GNAL: variants seen among roughly 807,000 people sequenced by gnomAD.
GNAL encodes the protein guanine nucleotide-binding protein G(olf) subunit alpha.
A neutral mutation model predicts 55.1 loss-of-function variants in GNAL; 18 were observed. The observed-to-expected ratio is 0.33, with a 90% CI of 0.23 to 0.48. The LOEUF is 0.48. Ranked by LOEUF, GNAL falls within the 20% of genes least tolerant of loss-of-function variation. GNAL has a pLI of 0.99. For synonymous variants in GNAL, 253 were observed against 237.0 expected, an observed-to-expected ratio of 1.07 and a Z score of -0.62; for missense variants, 412 against 614.1, an observed-to-expected ratio of 0.67 and a Z score of 3.48.
intron 5 of GNAL, among the ~76,000 whole-genome samples, chr18:11,839,411 G>T (rs1303402696): frequency 2.0e-5 from 3 of 151,636 alleles, no homozygotes; most frequent in African/African-American, 7.3e-5. Context: ...AATTAGCTGG[G>T]CCATGGTGGT....
Position 11,863,454 on chromosome 18 carries a change from C to G in GNAL, c.777+1005C>G, listed in dbSNP as rs142580376. Among the ~76,000 whole-genome samples the G allele has an allele frequency of 1.1e-3, 160 of 152,328 alleles. 1 individual carries two copies. In the East Asian group the frequency reaches 0.018, roughly 17 times the overall value. On this transcript the variant is annotated intron_variant, in intron 6 of 11. Coordinates refer to ENST00000334049, the MANE Select transcript of GNAL (RefSeq NM_182978.4). The stretch of plus-strand genomic sequence containing the variant: ...CTTCTCTCTCTCCCATGAAGTTTAT[C>G]CTCTCTAAGGCTGATCCTGAGAGTT...
rs934766402 is a variant in GNAL at position 11,868,028 on chromosome 18, G to A, written c.911-515G>A. Among the ~76,000 whole-genome samples the A allele has an allele frequency of 1.3e-5, 2 of 152,178 alleles. No individual in the cohort carries two copies. Among genetic ancestry groups the A allele is most frequent in the Admixed American group, 6.5e-5 (1 of 15,274 alleles). On this transcript the variant is annotated intron_variant, in intron 8 of 11. Coordinates refer to ENST00000334049, the MANE Select transcript of GNAL (RefSeq NM_182978.4). The surrounding 1 kb of genome is among the most constrained non-coding windows in gnomAD (Gnocchi z 4.0). ...TAATCCCAGCTACTCGGGAGGCTGA[G>A]GCAGGAGAATCACCTGAACCCGGGA... is the stretch of plus-strand genomic sequence containing the variant.
Position 11,765,583 on chromosome 18 carries a change from G to A in GNAL, c.624+11638G>A, listed in dbSNP as rs541644373. Among the ~76,000 whole-genome samples the A allele has an allele frequency of 7.2e-5, 11 of 152,200 alleles. 1 individual carries two copies. In the East Asian group the frequency reaches 1.9e-3, roughly 27 times the overall value. On this transcript the variant is annotated intron_variant, in intron 4 of 11. Coordinates refer to ENST00000334049, the MANE Select transcript of GNAL (RefSeq NM_182978.4). ...ACCCACCTCCCCACTATTCTTCCCAGCCTCTAGTAAGCATCATTCTGTTCT... is the reference window on the plus strand; with the variant it reads ...ACCCACCTCCCCACTATTCTTCCCAACCTCTAGTAAGCATCATTCTGTTCT...
intron 1 of GNAL, among the ~76,000 whole-genome samples, chr18:11,750,646 A>G (rs2032796177): frequency 6.6e-6 from 1 of 152,074 alleles, no homozygotes; most frequent in Non-Finnish European, 1.5e-5. Flanking sequence ...GGGGCCCTAG[A>G]TGACCTTGAT....
chr18:11,695,457 T>C (rs2031378209), intron 1 of GNAL, among the ~76,000 whole-genome samples: 1 of 152,184 alleles, frequency 6.6e-6, no homozygotes, highest in African/African-American at 2.4e-5. Flanking sequence ...TGAATCAAAA[T>C]ATTTAATCTG....
At chr18:11,858,072 C>A (rs776806144) in intron 5 of GNAL, among the ~76,000 whole-genome samples, 31 of 152,144 alleles carry the variant, frequency 2.0e-4, no homozygotes, top group Non-Finnish European at 4.4e-4. Flanking sequence ...TAGTTTTCAT[C>A]TTTTCATGAC....
chr18:11,857,979 C>A (rs571526730), intron 5 of GNAL, among the ~76,000 whole-genome samples: 57 of 152,280 alleles, frequency 3.7e-4, no homozygotes, highest in South Asian at 1.7e-3. Flanking sequence ...TTTTCACACA[C>A]AAAAAATTTT....
chr18:11,739,377 C>T (rs1390705112), intron 1 of GNAL, among the ~76,000 whole-genome samples: 1 of 152,178 alleles, frequency 6.6e-6, no homozygotes, highest in Non-Finnish European at 1.5e-5. Context: ...CTGTGGCCAT[C>T]ATGGCCGTTG....
At chr18:11,845,222 G>A (rs568491027) in intron 5 of GNAL, among the ~76,000 whole-genome samples, 53 of 152,262 alleles carry the variant, frequency 3.5e-4, no homozygotes, top group African/African-American at 1.2e-3. Context: ...TAAAAATTAC[G>A]TAAGAACAAC....
At chr18:11,833,180 C>T (rs1198522408) in intron 5 of GNAL, among the ~76,000 whole-genome samples, 3 of 151,794 alleles carry the variant, frequency 2.0e-5, no homozygotes, top group Non-Finnish European at 2.9e-5. Context: ...TACAGGGGCC[C>T]GCCACCACTC....
chr18:11,689,637 C>T lies in GNAL; in HGVS notation c.74C>T (p.Pro25Leu), dbSNP rs1208005988. 3 of 1,379,634 alleles carry T rather than the reference C, an allele frequency of 2.2e-6. No homozygotes were observed. The highest frequency in any genetic ancestry group is 3.1e-5 in the African/African-American group (2 of 65,324). 85.5% of individuals were successfully genotyped at this position (1,379,634 alleles called of 1,614,324 possible). A position where few individuals can be genotyped will look rare whatever the true frequency, so the allele number is the denominator to read the frequency against. The stretch of plus-strand genomic sequence containing the variant: ...GACGACCCCTGCGCGGCCTCGGAGC[C>T]GCCGGTGGAGGACGCGCAGCCCGCC... ...PGDDPCAASE[P>L]PVEDAQPAPA... Residue 25 changes from proline to leucine, a missense_variant, in exon 1 of 12, where the codon CCG becomes CTG. By Grantham distance (98) the Pro-to-Leu change is moderately conservative (BLOSUM62 -3). Around this residue, in one of 5 missense-constraint regions of GNAL, gnomAD observed 228 missense variants for 194.8 expected, o/e 1.17. Coordinates refer to ENST00000334049, the MANE Select transcript of GNAL (RefSeq NM_182978.4).
At chr18:11,699,254 G>A (rs568716249) in intron 1 of GNAL, among the ~76,000 whole-genome samples, 2 of 152,158 alleles carry the variant, frequency 1.3e-5, no homozygotes, top group African/African-American at 4.8e-5. Flanking sequence ...TGGAGCAGTA[G>A]TACCATCTTG....
intron 1 of GNAL, among the ~76,000 whole-genome samples, chr18:11,692,379 A>C (rs2031276742): frequency 6.6e-6 from 1 of 152,212 alleles, no homozygotes; most frequent in Admixed American, 6.5e-5. Context: ...ACAACAAAAA[A>C]CAGTAAACAC....
intron 4 of GNAL, among the ~76,000 whole-genome samples, chr18:11,822,426 A>G (rs2035122968): frequency 6.6e-6 from 1 of 152,148 alleles, no homozygotes; most frequent in South Asian, 2.1e-4. Context: ...GCAACATGGT[A>G]AAACCCCGTC....
rs960080797 is a variant in GNAL, at chr18:11,884,495, A to G, written c.*3360A>G. 6.2e-7 allele frequency: 1 copy of G among 1,614,046 alleles called. No homozygotes were observed. The highest frequency in any genetic ancestry group is 1.3e-5 in the African/African-American group (1 of 74,938). On this transcript the variant is annotated 3_prime_UTR_variant, in exon 12 of 12. Coordinates refer to ENST00000334049, the MANE Select transcript of GNAL (RefSeq NM_182978.4). ...AAGTTCAAACCAGAAAGAAAAGGTGAGGCTAGAAGCCCAAAGTGAGTGAGT... is the reference window on the plus strand; with the variant it reads ...AAGTTCAAACCAGAAAGAAAAGGTGGGGCTAGAAGCCCAAAGTGAGTGAGT...
Position 11,716,157 on chromosome 18 carries a change from C to A in GNAL, c.376+26218C>A, listed in dbSNP as rs116367896. Among the ~76,000 whole-genome samples the A allele has an allele frequency of 5.1e-3, 770 of 152,256 alleles. 6 individuals carry two copies. Among genetic ancestry groups the A allele is most frequent in the African/African-American group, 0.018 (733 of 41,512 alleles). ...CAGCAATCTCATTACTGGGTATATA[C>A]CCAAAAGAATATTGATAATCCTACT... On this transcript the variant is annotated intron_variant, in intron 1 of 11. Coordinates refer to ENST00000334049, the MANE Select transcript of GNAL (RefSeq NM_182978.4).
At position 11,766,046 on chromosome 18, in the gene GNAL, C is replaced by G. The variant is rs78758355; in HGVS notation, c.624+12101C>G. Among the ~76,000 whole-genome samples, 204 of 152,256 alleles carry G rather than the reference C, an allele frequency of 1.3e-3. 1 individual carries two copies. Among genetic ancestry groups the G allele is most frequent in the African/African-American group, 4.6e-3 (192 of 41,528 alleles). On this transcript the variant is annotated intron_variant, in intron 4 of 11. Coordinates refer to ENST00000334049, the MANE Select transcript of GNAL (RefSeq NM_182978.4). ...AGAAAATATTTTGAACGTCTTAGCA[C>G]TCTCTCAGGAATCAGTAGAAGGAGC...
intron 5 of GNAL, among the ~76,000 whole-genome samples, chr18:11,832,448 T>C (rs1313773264): frequency 1.3e-5 from 2 of 152,258 alleles, no homozygotes; most frequent in African/African-American, 4.8e-5. Context: ...TCTTTGGCAC[T>C]GATTTGATCC....
intron 4 of GNAL, among the ~76,000 whole-genome samples, chr18:11,768,935 A>G (rs1420990558): frequency 7.6e-6 from 1 of 131,384 alleles, no homozygotes; most frequent in African/African-American, 2.8e-5. Context: ...TATTATATAT[A>G]TTATATATAT....
Sources: allele counts gnomAD v4.1 joint callset (sites outside exome capture counted in the v4.1 genomes callset), GRCh38; gene constraint gnomAD v4.1.1; regional missense constraint gnomAD v4.1.1; non-coding constraint Gnocchi (gnomAD v3.1); transcripts MANE v1.5; gene names NCBI Gene and HGNC (gene_info 2026-07-23, HGNC 2026-07-21).